SLC9B2: variants seen among roughly 807,000 people sequenced by gnomAD.
SLC9B2 encodes solute carrier family 9 member B2, also known as sodium/hydrogen exchanger 9B2.
A neutral mutation model predicts 52.2 loss-of-function variants in SLC9B2; 39 were observed. The observed-to-expected ratio is 0.75, with a 90% CI of 0.58 to 0.98. The LOEUF (loss-of-function observed/expected upper bound fraction) is 0.98, where lower values mean the gene tolerates loss of function less well. Among genes scored for constraint, SLC9B2 ranks in the 50% least tolerant of loss-of-function variants. The probability of loss-of-function intolerance (pLI) is 0.00; values close to 1 mark genes in which losing one functional copy is unlikely to be tolerated. For missense variants in SLC9B2, 626 were observed against 637.5 expected (o/e 0.98, Z 0.19); for synonymous variants, 214 against 227.0 (o/e 0.94, Z 0.51).
Position 103,026,581 on chromosome 4 carries a change from C to T in SLC9B2, c.1403G>A (p.Gly468Glu), listed in dbSNP as rs191495269. The T allele has an allele frequency of 1.7e-5, 27 of 1,609,816 alleles. No individual in the cohort carries two copies. The highest frequency in any genetic ancestry group is 5.0e-5 in the Admixed American group (3 of 59,574). The change falls in exon 12 of 12, where the codon GGA (glycine) becomes GAA (glutamate). Residue 468 changes from glycine (G) to glutamate (E), a missense_variant. Coordinates refer to ENST00000394785, the MANE Select transcript of SLC9B2 (RefSeq NM_178833.7). Reference sequence around the variant, plus strand: ...CCTTGCTGTGTCCAAAGCCACAGATCCTATTGCAGCCTATAAAAGTTTAAG... The same window carrying T: ...CCTTGCTGTGTCCAAAGCCACAGATTCTATTGCAGCCTATAAAAGTTTAAG... ...LPKATVQAAI[G>E]SVALDTARSH...
At chr4:103,045,033 CCAA>C (rs764092631) in intron 7 of SLC9B2, 37 bp from the exon 8 acceptor site, 19 of 1,328,822 alleles carry the variant, frequency 1.4e-5, no homozygotes, top group Non-Finnish European at 2.1e-5. Flanking sequence ...AGCTCTAAAT[CCAA>C]CAAATACACA....
chr4:103,027,022 G>C (rs1474012674), intron 11 of SLC9B2, among the ~76,000 whole-genome samples: 1 of 152,088 alleles, frequency 6.6e-6, no homozygotes, highest in Non-Finnish European at 1.5e-5. Flanking sequence ...GATTACAGGT[G>C]TAAGTCACTG....
intron 9 of SLC9B2, among the ~76,000 whole-genome samples, chr4:103,038,023 G>A (rs192594958): frequency 9.2e-5 from 14 of 151,942 alleles, no homozygotes; most frequent in Admixed American, 7.9e-4. Flanking sequence ...CACCACACCC[G>A]GGGAAGTTTT....
In SLC9B2 at chr4:103,043,360, C is replaced by A. The variant is rs868309988; in HGVS notation, c.1082G>T (p.Gly361Val). The A allele has an allele frequency of 1.2e-6, 2 of 1,613,748 alleles. No individual in the cohort carries two copies. The highest frequency in any genetic ancestry group is 1.7e-6 in the Non-Finnish European group (2 of 1,179,926). Residue 361 changes from glycine to valine, a missense_variant, in exon 9 of 12, where the codon GGA becomes GTA. By Grantham distance (109) the Gly-to-Val change is moderately radical (BLOSUM62 -3). Transcript: ENST00000394785. ...GACCAACGTGCACAGTCCTCCTGAT[C>A]CAGGGAAACCAAAATGCACACTGCT... ...VFSSVHFGFP[G>V]SGGLCTLVMA...
rs202184687 is a variant in SLC9B2, at chr4:103,067,439, T to C, written c.90+22A>G. 17 of 1,598,806 alleles carry C rather than the reference T, an allele frequency of 1.1e-5. 1 individual carries two copies. The highest frequency in any genetic ancestry group is 1.4e-5 in the Non-Finnish European group (16 of 1,167,024). On this transcript the variant is annotated intron_variant, in intron 2 of 11. Transcript: ENST00000394785. The stretch of plus-strand genomic sequence containing the variant: ...GTGGTAGAATATGAAGAAAACACAA[T>C]TCTATCACAGCTTAGATTTACCTGT...
chr4:103,055,399 GAAAC>G (rs914825130), intron 4 of SLC9B2, among the ~76,000 whole-genome samples: 4 of 152,106 alleles, frequency 2.6e-5, no homozygotes, highest in Non-Finnish European at 5.9e-5. Flanking sequence ...TTAAAAAAAA[GAAAC>G]AATTCATTTT....
intron 4 of SLC9B2, among the ~76,000 whole-genome samples, chr4:103,055,059 T>C (rs1745005673): frequency 2.0e-5 from 3 of 152,020 alleles, no homozygotes; most frequent in Admixed American, 1.3e-4. Context: ...TATGCAGCCA[T>C]AAAAAATGAT....
intron 2 of SLC9B2, among the ~76,000 whole-genome samples, chr4:103,066,742 T>C (rs7691873): frequency 0.54 from 81,939 of 151,956 alleles, 24,796 homozygotes; most frequent in African/African-American, 0.85. Context: ...AATCTGGAAA[T>C]CTAAAATCTG....
rs946211208 is a variant in SLC9B2, at chr4:103,037,123, C to T, written c.1147-5315G>A. On this transcript the variant is annotated intron_variant, in intron 9 of 11. Coordinates refer to ENST00000394785, the MANE Select transcript of SLC9B2 (RefSeq NM_178833.7). ...ATGACTGTGGGTGTGTGTGAATGCA[C>T]CCTGTGATGGGATGGCATCCTGTGT... Among the ~76,000 whole-genome samples the T allele has an allele frequency of 2.0e-5, 3 of 152,280 alleles. No homozygotes were observed. The East Asian group carries it at 5.8e-4, about 29-fold the overall frequency.
At chr4:103,071,447 C>T (rs1030331617) in intron 1 of SLC9B2, among the ~76,000 whole-genome samples, 10 of 150,022 alleles carry the variant, frequency 6.7e-5, no homozygotes, top group South Asian at 2.1e-4. Flanking sequence ...TGCAATGGCA[C>T]GATCTCAGCT....
intron 9 of SLC9B2, among the ~76,000 whole-genome samples, chr4:103,035,306 A>T (rs185893725): frequency 2.8e-3 from 433 of 152,320 alleles, no homozygotes; most frequent in Non-Finnish European, 4.7e-3. Flanking sequence ...CCTGAAAAGG[A>T]CATGATCTTC....
At chr4:103,039,576 C>T (rs963226640) in intron 9 of SLC9B2, among the ~76,000 whole-genome samples, 3 of 151,568 alleles carry the variant, frequency 2.0e-5, no homozygotes, top group Admixed American at 6.6e-5. Context: ...ACCTGCCACA[C>T]GACAGAGTCA....
intron 4 of SLC9B2, among the ~76,000 whole-genome samples, chr4:103,051,236 G>T (rs1450475610): frequency 6.6e-6 from 1 of 152,230 alleles, no homozygotes; most frequent in Non-Finnish European, 1.5e-5. Flanking sequence ...TGAGTAGTTA[G>T]TGAGGGAATT....
chr4:103,040,874 C>T (rs1009796691), intron 9 of SLC9B2, among the ~76,000 whole-genome samples: 13 of 152,270 alleles, frequency 8.5e-5, no homozygotes, highest in African/African-American at 3.1e-4. Flanking sequence ...AAATTAATTA[C>T]GTGCAAATTC....
intron 2 of SLC9B2, 138 bp downstream of exon 2, chr4:103,067,323 G>A: frequency 1.5e-6 from 1 of 674,172 alleles, no homozygotes; most frequent in Non-Finnish European, 2.6e-6. Context: ...GTTACAGGTA[G>A]GGTCAGCTGG....
rs145782352 is a variant in SLC9B2 at position 103,063,736 on chromosome 4, A to G, written c.271+2591T>C. Among the ~76,000 whole-genome samples the G allele has an allele frequency of 1.9e-3, 295 of 152,352 alleles. 11 individuals carry two copies. In the East Asian group the frequency reaches 0.043, roughly 22 times the overall value. ...CTAAAAAGCTTTTGCACAGTAAACA[A>G]TCCACGGAGTGAAGAGACAACCTAC... On this transcript the variant is annotated intron_variant, in intron 3 of 11. Coordinates refer to ENST00000394785, the MANE Select transcript of SLC9B2 (RefSeq NM_178833.7).
chr4:103,055,924 C>T (rs1409408217), intron 4 of SLC9B2, among the ~76,000 whole-genome samples: 1 of 151,616 alleles, frequency 6.6e-6, no homozygotes, highest in Non-Finnish European at 1.5e-5. Context: ...CTGCCTCAGC[C>T]TCCCGAGTAG....
intron 4 of SLC9B2, among the ~76,000 whole-genome samples, chr4:103,054,238 C>T (rs1560553233): frequency 6.6e-6 from 1 of 152,154 alleles, no homozygotes; most frequent in Non-Finnish European, 1.5e-5. Flanking sequence ...AATGATTGTG[C>T]AACTGCGCTC....
chr4:103,064,846 T>A (rs1490462414), intron 3 of SLC9B2, among the ~76,000 whole-genome samples: 1 of 152,200 alleles, frequency 6.6e-6, no homozygotes, highest in Non-Finnish European at 1.5e-5. Context: ...TATTTTGATG[T>A]TAAAATTATC....
Sources: gnomAD v4.1 joint callset for allele counts (sites outside exome capture counted in the v4.1 genomes callset) on GRCh38, gnomAD v4.1.1 for gene constraint, MANE v1.5 for transcripts, NCBI Gene and HGNC (gene_info 2026-07-23, HGNC 2026-07-21) for gene names.